CCBE1: variants seen among roughly 807,000 people sequenced by gnomAD.
The protein encoded by CCBE1 is collagen and calcium binding EGF domains 1.
A neutral mutation model predicts 50.0 loss-of-function variants in CCBE1; 37 were observed. The ratio of observed to expected loss-of-function variants is 0.74; its 90% CI spans 0.57 to 0.97. The LOEUF (loss-of-function observed/expected upper bound fraction) is 0.97. CCBE1 is among the 50% of genes least tolerant of loss of function. The pLI is 0.00. For missense variants in CCBE1, 538 were observed against 523.8 expected (o/e 1.03, Z -0.26); for synonymous variants, 234 against 203.7 (o/e 1.15, Z -1.27).
chr18:59,663,140 T>G (rs961916322), intron 2 of CCBE1, among the ~76,000 whole-genome samples: 1 of 152,212 alleles, frequency 6.6e-6, no homozygotes, highest in Non-Finnish European at 1.5e-5. Flanking sequence ...GATAAGATAC[T>G]TTTCTTACTA....
intron 2 of CCBE1, among the ~76,000 whole-genome samples, chr18:59,606,103 A>G (rs7243845): frequency 0.032 from 4,914 of 152,328 alleles, 229 homozygotes; most frequent in African/African-American, 0.1. Context: ...AAAACAAGTC[A>G]TGTTTTCTTA....
chr18:59,473,759 T>A (rs1429955100), intron 3 of CCBE1, among the ~76,000 whole-genome samples: 2 of 79,790 alleles, frequency 2.5e-5, no homozygotes, highest in Non-Finnish European at 4.8e-5. Context: ...ACTACTCACC[T>A]TCCAACCTTC....
chr18:59,531,954 C>T (rs541433405), intron 2 of CCBE1, among the ~76,000 whole-genome samples: 132 of 152,318 alleles, frequency 8.7e-4, no homozygotes, highest in African/African-American at 3.0e-3. Context: ...CCTAAAATGA[C>T]CATGTATCAC....
At chr18:59,546,501 TCA>T (rs1265069582) in intron 2 of CCBE1, among the ~76,000 whole-genome samples, 1 of 152,252 alleles carries the variant, frequency 6.6e-6, no homozygotes, top group Non-Finnish European at 1.5e-5. Flanking sequence ...CTATGCCATT[TCA>T]CAGAGGCCCA....
chr18:59,579,578 C>T (rs1202597457), intron 2 of CCBE1, among the ~76,000 whole-genome samples: 2 of 152,206 alleles, frequency 1.3e-5, no homozygotes, highest in African/African-American at 2.4e-5. Context: ...TTTTGTAATG[C>T]ATTTGTCCAC....
intron 2 of CCBE1, among the ~76,000 whole-genome samples, chr18:59,589,466 A>G (rs1599039767): frequency 6.6e-6 from 1 of 152,324 alleles, no homozygotes; most frequent in African/African-American, 2.4e-5. Flanking sequence ...GTAAAACTCC[A>G]AAAGACAATA....
rs530750714 is a variant in CCBE1 at position 59,459,865 on chromosome 18, C to T, written c.554-4914G>A. Among the ~76,000 whole-genome samples the T allele has an allele frequency of 8.1e-4, 123 of 152,208 alleles. 2 individuals are homozygous for T. Among genetic ancestry groups the T allele is most frequent in the African/African-American group, 2.8e-3 (117 of 41,516 alleles). The stretch of plus-strand genomic sequence containing the variant: ...AGTATCAGCATTTTTAAAAAAGCTC[C>T]CCAGGTAATTGCAAGGTTGAGAACC... On this transcript the variant is annotated intron_variant, in intron 5 of 10. Transcript: ENST00000439986.
At chr18:59,644,240 G>C (rs965030730) in intron 2 of CCBE1, among the ~76,000 whole-genome samples, 1 of 152,228 alleles carries the variant, frequency 6.6e-6, no homozygotes, top group Non-Finnish European at 1.5e-5. Flanking sequence ...GATCTGAGAG[G>C]AGGCGGAGCT....
intron 5 of CCBE1, among the ~76,000 whole-genome samples, chr18:59,456,518 C>T (rs1028272147): frequency 2.0e-5 from 3 of 152,146 alleles, no homozygotes; most frequent in Non-Finnish European, 4.4e-5. Context: ...AAATTGCCCG[C>T]TGATGACCAG....
intron 2 of CCBE1, among the ~76,000 whole-genome samples, chr18:59,560,676 C>T (rs2052722832): frequency 6.6e-6 from 1 of 152,174 alleles, no homozygotes; most frequent in Non-Finnish European, 1.5e-5. Context: ...CATGAGTAAC[C>T]ACTCCCTGGA....
At chr18:59,615,697 G>A (rs76149629) in intron 2 of CCBE1, among the ~76,000 whole-genome samples, 183 of 152,248 alleles carry the variant, frequency 1.2e-3, no homozygotes, top group African/African-American at 4.2e-3. Context: ...CGTTCCATAA[G>A]GTATGAGGTT....
chr18:59,606,191 G>A (rs2053496956), intron 2 of CCBE1, among the ~76,000 whole-genome samples: 1 of 152,178 alleles, frequency 6.6e-6, no homozygotes, highest in Non-Finnish European at 1.5e-5. Flanking sequence ...GATCACATTT[G>A]TGTATGTTTT....
chr18:59,591,503 TCAA>T (rs2053268973), intron 2 of CCBE1, among the ~76,000 whole-genome samples: 1 of 152,056 alleles, frequency 6.6e-6, no homozygotes, highest in Non-Finnish European at 1.5e-5. Flanking sequence ...TCGTATAAAC[TCAA>T]CAACTGGAGG....
At chr18:59,606,249 G>GT (rs1418734586) in intron 2 of CCBE1, among the ~76,000 whole-genome samples, 1 of 152,148 alleles carries the variant, frequency 6.6e-6, no homozygotes, top group Non-Finnish European at 1.5e-5. Flanking sequence ...CCACAGATTG[G>GT]TTTTTTACTT....
intron 2 of CCBE1, among the ~76,000 whole-genome samples, chr18:59,611,513 G>A (rs1440330552): frequency 6.6e-6 from 1 of 152,214 alleles, no homozygotes; most frequent in East Asian, 1.9e-4. Context: ...GGGAGGCCAA[G>A]GTGGGTGGAT....
chr18:59,440,054 G>A (rs2143620567), intron 7 of CCBE1, among the ~76,000 whole-genome samples: 1 of 152,286 alleles, frequency 6.6e-6, no homozygotes, highest in Middle Eastern at 3.4e-3. Flanking sequence ...GCCAAAAACT[G>A]GAGAGTCTTC....
intron 2 of CCBE1, among the ~76,000 whole-genome samples, chr18:59,548,759 A>C (rs941268885): frequency 8.8e-6 from 1 of 113,152 alleles, no homozygotes; most frequent in Non-Finnish European, 1.9e-5. Context: ...AGCCTACCAT[A>C]CATGTAGGCT....
chr18:59,653,803 A>T (rs1262360008), intron 2 of CCBE1, among the ~76,000 whole-genome samples: 2 of 152,274 alleles, frequency 1.3e-5, no homozygotes, highest in African/African-American at 4.8e-5. Context: ...AGTTTTAGTT[A>T]CAACCCAATT....
chr18:59,643,360 A>G (rs2054015241), intron 2 of CCBE1, among the ~76,000 whole-genome samples: 1 of 152,224 alleles, frequency 6.6e-6, no homozygotes, highest in African/African-American at 2.4e-5. Context: ...TGGGACTTCA[A>G]AGAGTGTTTT....
Sources: gnomAD v4.1 joint callset for allele counts (sites outside exome capture counted in the v4.1 genomes callset) on GRCh38, gnomAD v4.1.1 for gene constraint, MANE v1.5 for transcripts, NCBI Gene and HGNC (gene_info 2026-07-23, HGNC 2026-07-21) for gene names.